The following KDM6A variants were observed in gnomAD, a reference collection of about 807,000 sequenced individuals.
The protein encoded by KDM6A is lysine demethylase 6A.
KDM6A carries 11 observed loss-of-function variants against 117.6 expected under a neutral mutation model. The ratio of observed to expected loss-of-function variants is 0.09; its 90% CI spans 0.06 to 0.15. The LOEUF (loss-of-function observed/expected upper bound fraction) is 0.15. Among genes scored for constraint, KDM6A ranks in the 10% least tolerant of loss-of-function variants. The probability of loss-of-function intolerance (pLI) is 1.00; values close to 1 mark genes in which losing one functional copy is unlikely to be tolerated. For synonymous variants in KDM6A, 384 were observed against 396.1 expected, an observed-to-expected ratio of 0.97 and a Z score of 0.36; for missense variants, 799 against 1,077.3, an observed-to-expected ratio of 0.74 and a Z score of 3.62.
At chrX:44,902,569 T>A (rs1180598851) in intron 2 of KDM6A, among the ~76,000 whole-genome samples, 1 of 110,801 alleles carries the variant, frequency 9.0e-6, no homozygotes, top group African/African-American at 3.3e-5. Context: ...TTTGTATTTT[T>A]AATGCAGATG....
At chrX:45,031,552 G>A (rs1243975710) in intron 6 of KDM6A, among the ~76,000 whole-genome samples, 1 of 111,798 alleles carries the variant, frequency 8.9e-6, no homozygotes, top group Non-Finnish European at 1.9e-5. Flanking sequence ...CTGGTTTGCA[G>A]GTTGTTGCCT....
intron 8 of KDM6A, 132 bp downstream of exon 8, chrX:45,037,821 T>C: frequency 2.0e-6 from 1 of 501,484 alleles, no homozygotes; most frequent in Non-Finnish European, 3.4e-6. Flanking sequence ...GTAAATTTTG[T>C]ATTTTATACT....
chrX:44,931,112 C>T (rs961953815), intron 2 of KDM6A, among the ~76,000 whole-genome samples: 2 of 110,860 alleles, frequency 1.8e-5, no homozygotes, highest in African/African-American at 6.6e-5. Context: ...TCATTCACTC[C>T]GTCACCCAGG....
intron 2 of KDM6A, among the ~76,000 whole-genome samples, chrX:44,956,730 T>A (rs1019441596): frequency 2.7e-5 from 3 of 112,008 alleles, no homozygotes; most frequent in Admixed American, 9.5e-5. Flanking sequence ...ATTTCATGGA[T>A]GATACATTGA....
intron 2 of KDM6A, among the ~76,000 whole-genome samples, chrX:44,899,003 G>GT (rs2034120566): frequency 1.1e-5 from 1 of 90,120 alleles, no homozygotes; most frequent in Non-Finnish European, 2.1e-5. Flanking sequence ...GGGAGAGGGA[G>GT]GGTGTGTGTG....
At chrX:44,877,687 G>C (rs1170509291) in intron 2 of KDM6A, among the ~76,000 whole-genome samples, 1 of 109,678 alleles carries the variant, frequency 9.1e-6, no homozygotes, top group Non-Finnish European at 1.9e-5. Flanking sequence ...CTGCGTCAGG[G>C]AACTATTGCT....
At chrX:45,046,788 C>T (rs1485246834) in intron 8 of KDM6A, among the ~76,000 whole-genome samples, 1 of 111,337 alleles carries the variant, frequency 9.0e-6, no homozygotes, top group Non-Finnish European at 1.9e-5. Context: ...GTGGTACTGG[C>T]ATGTGAATAG....
intron 5 of KDM6A, among the ~76,000 whole-genome samples, chrX:45,017,875 A>C (rs2042028872): frequency 8.9e-6 from 1 of 111,801 alleles, no homozygotes; most frequent in Non-Finnish European, 1.9e-5. Context: ...ACTAAGCAAA[A>C]ATTGTCGTTG....
At chrX:44,909,193 G>A (rs979606088) in intron 2 of KDM6A, among the ~76,000 whole-genome samples, 2 of 111,971 alleles carry the variant, frequency 1.8e-5, no homozygotes, top group African/African-American at 6.5e-5. Flanking sequence ...TAATGGAACC[G>A]TATAATAGGT....
At position 45,062,760 on chromosome X, in the gene KDM6A, A is replaced by G. The variant is rs1450342076; in HGVS notation, c.1683+12A>G. On this transcript the variant is annotated intron_variant, in intron 16 of 29. Coordinates refer to ENST00000611820, the MANE Select transcript of KDM6A (RefSeq NM_001291415.2). Reference sequence around the variant, plus strand: ...TGCAACAACACCAAGTGTGTATAGCATATTTTTCCCTGAAATTTGTTAGCA... The same window carrying G: ...TGCAACAACACCAAGTGTGTATAGCGTATTTTTCCCTGAAATTTGTTAGCA... 1.9e-6 allele frequency: 2 copies of G among 1,069,707 alleles called. No individual in the cohort carries two copies. Among genetic ancestry groups the G allele is most frequent in the African/African-American group, 1.8e-5 (1 of 54,663 alleles). 88.2% of individuals were successfully genotyped at this position (1,069,707 alleles called of 1,213,427 possible).
At chrX:45,108,005 G>C (rs1412076242) in intron 28 of KDM6A, among the ~76,000 whole-genome samples, 2 of 111,737 alleles carry the variant, frequency 1.8e-5, no homozygotes, top group Non-Finnish European at 3.8e-5. Flanking sequence ...TCTACTTGGA[G>C]CAGACAGATT....
chrX:45,109,603 G>A (rs1207635659), intron 28 of KDM6A, among the ~76,000 whole-genome samples: 1 of 110,621 alleles, frequency 9.0e-6, no homozygotes, highest in Non-Finnish European at 1.9e-5. Context: ...ACCAAAGTGA[G>A]TCATTAGGAG....
At chrX:44,916,330 A>G (rs2035549120) in intron 2 of KDM6A, among the ~76,000 whole-genome samples, 1 of 110,627 alleles carries the variant, frequency 9.0e-6, no homozygotes, top group African/African-American at 3.3e-5. Flanking sequence ...GTGGGGAGGA[A>G]TACTTGTGCC....
At chrX:45,107,040 T>A (rs1184279092) in intron 27 of KDM6A, 1 of 191,175 alleles carries the variant, frequency 5.2e-6, no homozygotes, top group Non-Finnish European at 9.6e-6. Flanking sequence ...ATATCTGGAA[T>A]TCATACCCCT....
At chrX:45,062,189 G>T (rs1234115410) in intron 15 of KDM6A, among the ~76,000 whole-genome samples, 1 of 111,449 alleles carries the variant, frequency 9.0e-6, no homozygotes, top group Admixed American at 9.5e-5. Context: ...GTCAATATGT[G>T]AAGAGCTTCC....
intron 27 of KDM6A, among the ~76,000 whole-genome samples, chrX:45,103,001 C>T (rs1188207125): frequency 9.0e-6 from 1 of 110,636 alleles, no homozygotes; most frequent in Non-Finnish European, 1.9e-5. Flanking sequence ...CAGAGCAAGG[C>T]ACCTCTTGGT....
At chrX:45,003,434 C>CT (rs2041253186) in intron 4 of KDM6A, among the ~76,000 whole-genome samples, 2 of 85,032 alleles carry the variant, frequency 2.4e-5, no homozygotes, top group African/African-American at 4.4e-5. Context: ...TAGCCTCATA[C>CT]TTTCTTGTGT....
intron 6 of KDM6A, among the ~76,000 whole-genome samples, chrX:45,025,885 A>G (rs1184568924): frequency 2.7e-5 from 3 of 112,156 alleles, no homozygotes; most frequent in African/African-American, 9.7e-5. Context: ...ATAATTTGGT[A>G]TTTGAATATG....
intron 8 of KDM6A, among the ~76,000 whole-genome samples, chrX:45,040,112 C>T (rs1165869814): frequency 3.6e-5 from 2 of 55,840 alleles, no homozygotes; most frequent in Non-Finnish European, 6.6e-5. Context: ...CCTCACCTCC[C>T]GGATGGGGCG....
Sources: allele counts gnomAD v4.1 joint callset (sites outside exome capture counted in the v4.1 genomes callset), GRCh38; gene constraint gnomAD v4.1.1; transcripts MANE v1.5; gene names NCBI Gene and HGNC (gene_info 2026-07-23, HGNC 2026-07-21).